Variants in DOCK4 observed in about 807,000 individuals in gnomAD.
The protein encoded by DOCK4 is dedicator of cytokinesis 4.
Under a neutral mutation model 268.1 loss-of-function variants are expected in DOCK4, and 97 were observed. That is an observed-to-expected ratio of 0.36 (90% CI 0.31 to 0.43). DOCK4 has a LOEUF of 0.43. DOCK4 is among the 20% of genes least tolerant of loss of function. DOCK4 has a pLI of 1.00. For missense variants in DOCK4, 2,145 were observed against 2,455.7 expected, an observed-to-expected ratio of 0.87 and a Z score of 2.67; for synonymous variants, 954 against 887.2, an observed-to-expected ratio of 1.08 and a Z score of -1.34.
intron 25 of DOCK4, among the ~76,000 whole-genome samples, chr7:111,839,807 C>T (rs1026542629): frequency 3.3e-5 from 5 of 152,070 alleles, no homozygotes; most frequent in African/African-American, 1.2e-4. Flanking sequence ...ATTTCTTAAA[C>T]TTAAATTTTA....
intron 1 of DOCK4, among the ~76,000 whole-genome samples, chr7:112,202,228 T>C (rs989341682): frequency 2.0e-5 from 3 of 152,256 alleles, no homozygotes; most frequent in Admixed American, 2.0e-4. Flanking sequence ...TTGGATCATA[T>C]GGTAATTCTA....
intron 23 of DOCK4, among the ~76,000 whole-genome samples, chr7:111,859,844 G>A (rs10226023): frequency 0.33 from 49,823 of 151,978 alleles, 8,275 homozygotes; most frequent in African/African-American, 0.37. Context: ...TGGGATTACA[G>A]GCGTGAGCCA....
intron 1 of DOCK4, among the ~76,000 whole-genome samples, chr7:112,005,858 A>G (rs1230469833): frequency 6.6e-6 from 1 of 152,112 alleles, no homozygotes; most frequent in Non-Finnish European, 1.5e-5. Context: ...CAGTACTACT[A>G]ATAGACTTCA....
chr7:111,953,843 C>T (rs1320816919), intron 8 of DOCK4: 1 of 152,208 alleles, frequency 6.6e-6, no homozygotes, highest in Non-Finnish European at 1.5e-5. Context: ...GGAGATGGCA[C>T]CAGAGGTATC....
intron 26 of DOCK4, among the ~76,000 whole-genome samples, chr7:111,823,682 C>T (rs75222449): frequency 1.3e-5 from 2 of 152,232 alleles, no homozygotes; most frequent in African/African-American, 4.8e-5. Context: ...AACTAGAAAA[C>T]TTAAAGAGTT....
rs1227814662 is a variant in DOCK4 at position 111,788,725 on chromosome 7, T to C, written c.3338A>G (p.Lys1113Arg). ...GCCTTCTGACATCAGGCTATCCAGTTTGTCAATTAGCTTGGCTTCCACCTG... is the reference window on the plus strand; with the variant it reads ...GCCTTCTGACATCAGGCTATCCAGTCTGTCAATTAGCTTGGCTTCCACCTG... ...FKQVEAKLIDKLDSLMSEGKG... is the reference protein window; with the variant it reads ...FKQVEAKLIDRLDSLMSEGKG... Residue 1113 changes from lysine (K) to arginine (R), a missense_variant, in exon 32 of 53, where the codon AAA becomes AGA. Coordinates refer to ENST00000428084, the MANE Select transcript of DOCK4 (RefSeq NM_001363540.2). 2.5e-6 allele frequency: 4 copies of C among 1,592,380 alleles called. No individual in the cohort carries two copies. The highest frequency in any genetic ancestry group is 3.4e-6 in the Non-Finnish European group (4 of 1,168,042).
At chr7:111,741,350 TGTTTGA>T (rs1172763356) in intron 46 of DOCK4, 136 bp from the exon 47 acceptor site, 2 of 1,421,880 alleles carry the variant, frequency 1.4e-6, no homozygotes, top group East Asian at 4.6e-5. Context: ...TATAATCAAA[TGTTTGA>T]GTTTATTTAT....
chr7:111,995,935 C>A (rs57936973), intron 4 of DOCK4, among the ~76,000 whole-genome samples: 2,713 of 152,148 alleles, frequency 0.018, 89 homozygotes, highest in African/African-American at 0.062. Context: ...GACACAGAAC[C>A]TTTTATTAAG....
intron 51 of DOCK4, among the ~76,000 whole-genome samples, chr7:111,734,724 G>C (rs1050710762): frequency 1.3e-5 from 2 of 152,200 alleles, no homozygotes; most frequent in African/African-American, 4.8e-5. Flanking sequence ...AGCGGAGGTT[G>C]ATAAGAATGA....
At chr7:111,863,683 G>T in intron 22 of DOCK4, 119 bp from the exon 23 acceptor site, 1 of 1,077,562 alleles carries the variant, frequency 9.3e-7, no homozygotes. Context: ...ATAGAAGTAT[G>T]AAATGTTTCT....
At chr7:112,165,519 T>C (rs1301582048) in intron 1 of DOCK4, among the ~76,000 whole-genome samples, 1 of 138,376 alleles carries the variant, frequency 7.2e-6, no homozygotes, top group African/African-American at 2.8e-5. Flanking sequence ...GGTGGAATAG[T>C]ATACGTGTGT....
At chr7:111,869,524 G>T in intron 21 of DOCK4, 50 bp downstream of exon 21, 2 of 1,541,304 alleles carry the variant, frequency 1.3e-6, no homozygotes, top group Non-Finnish European at 1.8e-6. Context: ...TTAAGCATCA[G>T]CATGCAACAG....
intron 19 of DOCK4, 36 bp from the exon 20 acceptor site, chr7:111,872,126 G>A (rs1041233508): frequency 1.8e-5 from 27 of 1,475,946 alleles, no homozygotes; most frequent in Non-Finnish European, 2.5e-5. Context: ...AAAACTAAAT[G>A]CAAATCAAGG....
At chr7:112,142,330 T>C (rs115506695) in intron 1 of DOCK4, among the ~76,000 whole-genome samples, 15 of 152,292 alleles carry the variant, frequency 9.8e-5, no homozygotes, top group African/African-American at 3.6e-4. Context: ...ATTTTCACTA[T>C]TGTATGTTAG....
rs746074560 is a variant in DOCK4 at position 111,728,676 on chromosome 7, C to A, written c.5526G>T (p.Ser1842=). 4.3e-6 allele frequency: 7 copies of A among 1,613,778 alleles called. No homozygotes were observed. The highest frequency in any genetic ancestry group is 2.2e-5 in the East Asian group (1 of 44,866). The change falls in exon 53 of 53, where the codon TCG becomes TCT. Residue 1842 remains serine, a synonymous_variant. Transcript: ENST00000428084. ...SFTPSPVEYH[S]PGLISNSPVL... ...CAGGGGAGTTGGAGATGAGTCCTGG[C>A]GAGTGGTACTCCACTGGAGAGGGGG... is the stretch of plus-strand genomic sequence containing the variant.
At chr7:112,123,152 TAACTCAGAC>T (rs1812895643) in intron 1 of DOCK4, among the ~76,000 whole-genome samples, 1 of 152,208 alleles carries the variant, frequency 6.6e-6, no homozygotes, top group South Asian at 2.1e-4. Flanking sequence ...GAGCAGGGAT[TAACTCAGAC>T]ATTATCTTGG....
intron 15 of DOCK4, among the ~76,000 whole-genome samples, chr7:111,899,011 A>G (rs1266305527): frequency 6.6e-6 from 1 of 152,210 alleles, no homozygotes. Context: ...AATTCATAAC[A>G]AAGATTGATG....
chr7:112,202,676 G>A (rs938485813), intron 1 of DOCK4, among the ~76,000 whole-genome samples: 4 of 151,698 alleles, frequency 2.6e-5, no homozygotes, highest in African/African-American at 9.7e-5. Flanking sequence ...AGGAGCTTGA[G>A]GCTACAGGCT....
At chr7:112,162,825 A>G (rs574069764) in intron 1 of DOCK4, among the ~76,000 whole-genome samples, 1 of 152,326 alleles carries the variant, frequency 6.6e-6, no homozygotes, top group South Asian at 2.1e-4. Context: ...ACACGATTTT[A>G]TCTTTTTTAT....
Sources: gnomAD v4.1 joint callset for allele counts (sites outside exome capture counted in the v4.1 genomes callset) on GRCh38, gnomAD v4.1.1 for gene constraint, MANE v1.5 for transcripts, NCBI Gene and HGNC (gene_info 2026-07-23, HGNC 2026-07-21) for gene names.